The following MYH13 variants were observed in gnomAD, a reference collection of about 807,000 sequenced individuals.
The protein encoded by MYH13 is myosin heavy chain 13.
Under a neutral mutation model 232.1 loss-of-function variants are expected in MYH13, and 177 were observed. The observed-to-expected ratio is 0.76, with a 90% CI of 0.67 to 0.86. The LOEUF is 0.86. Among genes scored for constraint, MYH13 ranks in the 40% least tolerant of loss-of-function variants. MYH13 has a pLI of 0.00. For missense variants in MYH13, 2,246 were observed against 2,405.9 expected, an observed-to-expected ratio of 0.93 and a Z score of 1.39; for synonymous variants, 884 against 923.5, an observed-to-expected ratio of 0.96 and a Z score of 0.78.
At chr17:10,322,679 G>A in intron 23 of MYH13, among the ~76,000 whole-genome samples, 1 of 144,724 alleles carries the variant, frequency 6.9e-6, no homozygotes, top group South Asian at 2.4e-4. Flanking sequence ...TGTCGCCCAG[G>A]CTGGAGTGCA....
rs1389854487 is a variant in MYH13 at position 10,309,314 on chromosome 17, C to G, written c.5089G>C (p.Glu1697Gln). 1.2e-6 allele frequency: 2 copies of G among 1,613,984 alleles called. No individual in the cohort carries two copies. Among genetic ancestry groups the G allele is most frequent in the Admixed American group, 3.3e-5 (2 of 60,030 alleles). The change falls in exon 35 of 41, where the codon GAA becomes CAA. Residue 1697 changes from glutamate to glutamine, a missense_variant. By Grantham distance (29) the Glu-to-Gln change is conservative. Transcript: ENST00000252172. ...AGCCTGCGGGTCCGCTCCGTCTGTT[C>G]CAGGGCCACCTTCATTTCCTCCAGC... ...EELEEMKVALEQTERTRRLSE... is the reference protein window; with the variant it reads ...EELEEMKVALQQTERTRRLSE...
chr17:10,355,002 A>G lies in MYH13; in HGVS notation c.803-9T>C. On this transcript the variant is annotated splice_polypyrimidine_tract_variant and intron_variant, in intron 9 of 40. Transcript: ENST00000252172. ...GGATTTTTCTAACAGATCTAAGGTAACAAAAATAACGTGATTTCAGGCTCC... is the reference window on the plus strand; with the variant it reads ...GGATTTTTCTAACAGATCTAAGGTAGCAAAAATAACGTGATTTCAGGCTCC... 6.2e-7 allele frequency: 1 copy of G among 1,609,542 alleles called. No homozygotes were observed. Among genetic ancestry groups the G allele is most frequent in the East Asian group, 2.2e-5 (1 of 44,868 alleles).
At chr17:10,305,849 T>C (rs1001716739) in intron 37 of MYH13, among the ~76,000 whole-genome samples, 4 of 151,844 alleles carry the variant, frequency 2.6e-5, no homozygotes, top group Non-Finnish European at 5.9e-5. Context: ...TGTCGGGGGG[T>C]TGAACTTTGC....
In MYH13 at chr17:10,354,588, A is replaced by AT. The variant is rs140594316; in HGVS notation, c.1005+91dup. ...GAGTCTAATCACTTAGTATCCCTGG[A>AT]TTTCAGCTTTCCCATTAGCTCACTA... On this transcript the variant is annotated intron_variant, in intron 11 of 40. Coordinates refer to ENST00000252172, the MANE Select transcript of MYH13 (RefSeq NM_003802.3). The AT allele has an allele frequency of 1.2e-3, 1,382 of 1,193,172 alleles. 12 individuals are homozygous for AT. In the African/African-American group the frequency reaches 0.018, roughly 16 times the overall value. The allele number at this position is 1,193,172 out of a possible 1,614,324, so 73.9% of individuals were successfully genotyped here. A position where few individuals can be genotyped will look rare whatever the true frequency, so the allele number is the denominator to read the frequency against.
At chr17:10,345,721 G>A (rs368202982) in intron 13 of MYH13, 105 bp from the exon 14 acceptor site, 161 of 1,586,818 alleles carry the variant, frequency 1.0e-4, no homozygotes, top group South Asian at 1.8e-4. Context: ...TTGGCTAGGC[G>A]TGGTGGCTCA....
Position 10,306,841 on chromosome 17 carries a change from T to C in MYH13, c.5295+98A>G. 6.3e-7 allele frequency: 1 copy of C among 1,584,370 alleles called. No individual in the cohort carries two copies. Among genetic ancestry groups the C allele is most frequent in the Non-Finnish European group, 8.5e-7 (1 of 1,170,474 alleles). ...CTGGGAAGCCACCACTAACCGATTG[T>C]TGTCATAAGAGATGAAACATACTTG... On this transcript the variant is annotated intron_variant, in intron 36 of 40. Coordinates refer to ENST00000252172, the MANE Select transcript of MYH13 (RefSeq NM_003802.3). This position sits in a 1 kb window ranked among gnomAD's most constrained non-coding sequence, Gnocchi z 4.3.
Position 10,360,259 on chromosome 17 carries a change from G to C in MYH13, c.506-71C>G, listed in dbSNP as rs1018811506. The C allele has an allele frequency of 8.5e-6, 13 of 1,529,024 alleles. No homozygotes were observed. The African/African-American group carries it at 1.2e-4, about 15-fold the overall frequency. The allele number at this position is 1,529,024 out of a possible 1,614,324, so 94.7% of individuals were successfully genotyped here. On this transcript the variant is annotated intron_variant, in intron 5 of 40. Coordinates refer to ENST00000252172, the MANE Select transcript of MYH13 (RefSeq NM_003802.3). ...AGAATGTTAAAATAAAGTAACATTGGGGGTGGTTGGAGAACATAGGCTCTA... is the reference window on the plus strand; with the variant it reads ...AGAATGTTAAAATAAAGTAACATTGCGGGTGGTTGGAGAACATAGGCTCTA...
At position 10,346,863 on chromosome 17, in the gene MYH13, C is replaced by T. The variant is rs1226881383; in HGVS notation, c.1145-65G>A. 3.4e-6 allele frequency: 4 copies of T among 1,185,714 alleles called. No individual in the cohort carries two copies. The Admixed American group carries it at 7.7e-5, about 23-fold the overall frequency. The allele number at this position is 1,185,714 out of a possible 1,614,324, so 73.4% of individuals were successfully genotyped here. A position where few individuals can be genotyped will look rare whatever the true frequency, so the allele number is the denominator to read the frequency against. ...AGCTGCTAAAGTGTCCAGTCAGCCC[C>T]TGGCTTCTCCCAGAAGTGTTTTCTG... On this transcript the variant is annotated intron_variant, in intron 12 of 40. Coordinates refer to ENST00000252172, the MANE Select transcript of MYH13 (RefSeq NM_003802.3).
Position 10,315,684 on chromosome 17 carries a change from T to C in MYH13, c.3984+9A>G, listed in dbSNP as rs1237789350. On this transcript the variant is annotated intron_variant, in intron 29 of 40. Coordinates refer to ENST00000252172, the MANE Select transcript of MYH13 (RefSeq NM_003802.3). Reference sequence around the variant, plus strand: ...GCTTCTCAGGTTCAATCTGACTCTATATCTTTACCTTGGTTTCTTCTTCCA... The same window carrying C: ...GCTTCTCAGGTTCAATCTGACTCTACATCTTTACCTTGGTTTCTTCTTCCA... The C allele has an allele frequency of 6.2e-7, 1 of 1,612,522 alleles. No homozygotes were observed.
In MYH13 at chr17:10,329,720, C is replaced by T. The variant is rs746247776; in HGVS notation, c.2435+667G>A. 1.6e-4 allele frequency among the ~76,000 whole-genome samples: 25 copies of T among 152,320 alleles called. No homozygotes were observed. In the East Asian group the frequency reaches 2.9e-3, roughly 18 times the overall value. ...TTCGTCAGCTGGGCGCAGTGGCTTA[C>T]GCCTGTAATCCCAGCAATGTGGGAG... On this transcript the variant is annotated intron_variant, in intron 21 of 40. Transcript: ENST00000252172.
In MYH13 at chr17:10,350,692, A is replaced by G. The variant is rs1456782063; in HGVS notation, c.1008T>C (p.Asn336=). The G allele has an allele frequency of 6.2e-7, 1 of 1,613,808 alleles. No individual in the cohort carries two copies. Among genetic ancestry groups the G allele is most frequent in the Non-Finnish European group, 8.5e-7 (1 of 1,179,920 alleles). Residue 336 remains asparagine, a splice_region_variant and synonymous_variant, in exon 12 of 41, where the codon AAT becomes AAC. Transcript: ENST00000252172. ...DDSEELLATD[N]AIDILGFSSE... The stretch of plus-strand genomic sequence containing the variant: ...AGCTGAAGCCCAGGATGTCAATGGC[A>G]TTCTGGAAAGAAAAAAAGGACAACT...
At chr17:10,353,986 A>G (rs74535992) in intron 11 of MYH13, among the ~76,000 whole-genome samples, 2,667 of 152,186 alleles carry the variant, frequency 0.018, 54 homozygotes, top group East Asian at 0.043. Context: ...TCTGTCATTG[A>G]CGAATTGTGT....
In MYH13 at chr17:10,312,626, C is replaced by A. The variant is rs546103209; in HGVS notation, c.4313G>T (p.Arg1438Leu). The A allele has an allele frequency of 1.2e-6, 2 of 1,613,240 alleles. No individual in the cohort carries two copies. Among genetic ancestry groups the A allele is most frequent in the African/African-American group, 1.3e-5 (1 of 74,970 alleles). The change falls in exon 31 of 41, where the codon CGC becomes CTC. Residue 1438 changes from arginine to leucine, a missense_variant. Coordinates refer to ENST00000252172, the MANE Select transcript of MYH13 (RefSeq NM_003802.3). ...CAGTGTGGCACAGGCGGTGTGGGAG[C>A]GCTCCAGATCCCGCATCAGATCCTC... ...EVEDLMRDLE[R>L]SHTACATLDK...
chr17:10,309,326 T>A lies in MYH13; in HGVS notation c.5077A>T (p.Lys1693Ter), dbSNP rs1465387451. The A allele has an allele frequency of 2.5e-6, 4 of 1,613,822 alleles. No individual in the cohort carries two copies. Among genetic ancestry groups the A allele is most frequent in the Non-Finnish European group, 3.4e-6 (4 of 1,179,856 alleles). The change falls in exon 35 of 41, where the codon AAG (lysine) becomes TAG (stop). Residue 1693 changes from lysine to a stop codon, truncating the protein, a stop_gained. Transcript: ENST00000252172. LOFTEE classifies it high-confidence loss of function. The stretch of plus-strand genomic sequence containing the variant: ...CGCTCCGTCTGTTCCAGGGCCACCT[T>A]CATTTCCTCCAGCTCCTCCAGCAGG... ...GLLLEELEEM[K>*]VALEQTERTR... is the part of the protein sequence containing the mutation.
At chr17:10,355,827 A>T (rs1191854496) in intron 8 of MYH13, among the ~76,000 whole-genome samples, 1 of 74,284 alleles carries the variant, frequency 1.3e-5, no homozygotes, top group South Asian at 4.9e-4. Context: ...GTTCTGTCTG[A>T]CTTTTTTTTT....
In MYH13 at chr17:10,318,927, C is replaced by G. The variant is rs755680069; in HGVS notation, c.3601G>C (p.Ala1201Pro). 1 of 1,614,186 alleles carries G rather than the reference C, an allele frequency of 6.2e-7. No homozygotes were observed. The highest frequency in any genetic ancestry group is 2.2e-5 in the East Asian group (1 of 44,878). Residue 1201 changes from alanine (A) to proline (P), a missense_variant, in exon 27 of 41, where the codon GCA becomes CCA. Physicochemically the swap from Ala to Pro is conservative, Grantham distance 27 (BLOSUM62 -1). Transcript: ENST00000252172. ...ATAATLRKKQ[A>P]DSVAELGEQI... ...TCCCCAAGCTCGGCCACACTATCTG[C>G]TTGCTTCTTCCTCAGGGTGGCTGCT...
At chr17:10,305,423 A>T (rs1906243086) in intron 37 of MYH13, among the ~76,000 whole-genome samples, 1 of 152,216 alleles carries the variant, frequency 6.6e-6, no homozygotes, top group South Asian at 2.1e-4. Context: ...TTATTCAAAA[A>T]GTCTATGGCC....
chr17:10,352,988 TCA>T (rs943045685), intron 11 of MYH13, among the ~76,000 whole-genome samples: 31 of 152,102 alleles, frequency 2.0e-4, no homozygotes, highest in Admixed American at 1.2e-3. Flanking sequence ...CTTCAGCCAA[TCA>T]CAGCAGCTGA....
At position 10,360,026 on chromosome 17, in the gene MYH13, G is replaced by A; in HGVS notation, c.579C>T (p.Ile193=). Residue 193 remains isoleucine, a synonymous_variant, in exon 7 of 41, where the codon ATC becomes ATT. Coordinates refer to ENST00000252172, the MANE Select transcript of MYH13 (RefSeq NM_003802.3). Reference sequence around the variant, plus strand: ...TAACTGCAATTGTTGCAAAATACTGGATGACACGCTTGGTGTTCACAGTCT... The same window carrying A: ...TAACTGCAATTGTTGCAAAATACTGAATGACACGCTTGGTGTTCACAGTCT... ...AGKTVNTKRV[I]QYFATIAVTG... 6.2e-7 allele frequency: 1 copy of A among 1,614,090 alleles called. No homozygotes were observed. The highest frequency in any genetic ancestry group is 8.5e-7 in the Non-Finnish European group (1 of 1,180,024).
Sources: gnomAD v4.1 joint callset for allele counts (sites outside exome capture counted in the v4.1 genomes callset) on GRCh38, gnomAD v4.1.1 for gene constraint, Gnocchi (gnomAD v3.1) non-coding constraint, MANE v1.5 for transcripts, NCBI Gene and HGNC (gene_info 2026-07-23, HGNC 2026-07-21) for gene names.